MYCT1: variants seen among roughly 807,000 people sequenced by gnomAD.
MYCT1 encodes the protein myc target protein 1.
MYCT1 carries 12 observed loss-of-function variants against 15.0 expected under a neutral mutation model. That is an observed-to-expected ratio of 0.80 (90% CI 0.51 to 1.29). The LOEUF (loss-of-function observed/expected upper bound fraction) is 1.29. Ranked by LOEUF, MYCT1 falls within the 50% of genes most tolerant of loss-of-function variation. The pLI, the probability that MYCT1 is intolerant of heterozygous loss-of-function variation, is 0.00. For missense variants in MYCT1, 287 were observed against 279.1 expected, an observed-to-expected ratio of 1.03 and a Z score of -0.20; for synonymous variants, 104 against 102.7, an observed-to-expected ratio of 1.01 and a Z score of -0.07.
chr6:152,704,541 T>C (rs2099721929), intron 1 of MYCT1, among the ~76,000 whole-genome samples: 1 of 152,214 alleles, frequency 6.6e-6, no homozygotes, highest in African/African-American at 2.4e-5. Context: ...CAATGTGTAA[T>C]GATCAAATCA....
downstream of MYCT1, among the ~76,000 whole-genome samples, chr6:152,728,164 G>GAGAAAA (rs796357081): frequency 7.0e-6 from 1 of 143,518 alleles, no homozygotes; most frequent in African/African-American, 2.7e-5. Flanking sequence ...CCTCTGTCTG[G>GAGAAAA]AAAAAAAAAA....
downstream of MYCT1, among the ~76,000 whole-genome samples, chr6:152,727,577 A>G (rs2099725884): frequency 6.6e-6 from 1 of 152,232 alleles, no homozygotes; most frequent in Non-Finnish European, 1.5e-5. Context: ...TGAGATCTTC[A>G]TTGTGGTGTA....
At chr6:152,717,575 T>G (rs915437625) in intron 1 of MYCT1, among the ~76,000 whole-genome samples, 2 of 152,122 alleles carry the variant, frequency 1.3e-5, no homozygotes, top group African/African-American at 4.8e-5. Context: ...GGAGTTTTCC[T>G]GCACAAGCTC....
intron 1 of MYCT1, among the ~76,000 whole-genome samples, chr6:152,715,167 C>A (rs1164364406): frequency 6.6e-6 from 1 of 152,050 alleles, no homozygotes; most frequent in African/African-American, 2.4e-5. Context: ...GAATTTGCTC[C>A]TTTGATTTAA....
chr6:152,730,074 G>A, the MYCT1 span, among the ~76,000 whole-genome samples: 257 of 152,328 alleles, frequency 1.7e-3, 2 homozygotes, highest in African/African-American at 5.8e-3. Context: ...ACTTCAAAAT[G>A]CATTTTAAAA....
At chr6:152,737,478 G>A in the MYCT1 span, among the ~76,000 whole-genome samples, 12,229 of 151,952 alleles carry the variant, frequency 0.08, 802 homozygotes, top group African/African-American at 0.17. Flanking sequence ...TTATGTGGTG[G>A]AGCTGGGATT....
chr6:152,720,157 T>C (rs2099724427), intron 1 of MYCT1, among the ~76,000 whole-genome samples: 1 of 151,766 alleles, frequency 6.6e-6, no homozygotes, highest in African/African-American at 2.4e-5. Flanking sequence ...AGCAGGCTCT[T>C]GGCTAGGGCA....
chr6:152,716,282 A>G (rs76022538), intron 1 of MYCT1, among the ~76,000 whole-genome samples: 1 of 152,202 alleles, frequency 6.6e-6, no homozygotes, highest in South Asian at 2.1e-4. Context: ...TATGCCCTAA[A>G]TATTATTCTC....
Position 152,722,305 on chromosome 6 carries a change from G to T in MYCT1, c.*52G>T. 1 of 1,527,078 alleles carries T rather than the reference G, an allele frequency of 6.5e-7. No individual in the cohort carries two copies. The highest frequency in any genetic ancestry group is 8.7e-7 in the Non-Finnish European group (1 of 1,143,648). The allele number at this position is 1,527,078 out of a possible 1,614,324, so 94.6% of individuals were successfully genotyped here. On this transcript the variant is annotated 3_prime_UTR_variant, in exon 2 of 2. Transcript: ENST00000367245. ...TTTCTTGTCTTGTCTTTTATTGAAA[G>T]GAAATCAAAAATAGGCTAAACAGAA... is the stretch of plus-strand genomic sequence containing the variant.
downstream of MYCT1, among the ~76,000 whole-genome samples, chr6:152,727,150 G>A (rs576249239): frequency 2.1e-4 from 31 of 151,024 alleles, no homozygotes; most frequent in African/African-American, 7.3e-4. Context: ...GGCAGAGGTT[G>A]CCGTGAGCCG....
chr6:152,743,564 C>T, the MYCT1 span, among the ~76,000 whole-genome samples: 7 of 152,322 alleles, frequency 4.6e-5, no homozygotes, highest in African/African-American at 7.2e-5. Flanking sequence ...ATTGCTCAAC[C>T]GTCCCGGTAA....
At chr6:152,738,007 C>T in the MYCT1 span, among the ~76,000 whole-genome samples, 1 of 151,814 alleles carries the variant, frequency 6.6e-6, no homozygotes, top group Non-Finnish European at 1.5e-5. Context: ...TTAAGGAAAG[C>T]AAAAAGCCAT....
chr6:152,712,857 G>A (rs1421074881), intron 1 of MYCT1, among the ~76,000 whole-genome samples: 1 of 151,636 alleles, frequency 6.6e-6, no homozygotes, highest in African/African-American at 2.4e-5. Flanking sequence ...GTTAACCTTT[G>A]ATCTTCAGCT....
At chr6:152,724,811 T>C (rs1235718170), downstream of MYCT1, among the ~76,000 whole-genome samples, 1 of 151,964 alleles carries the variant, frequency 6.6e-6, no homozygotes, top group Non-Finnish European at 1.5e-5. Flanking sequence ...CATATAAAAA[T>C]GTATAATGGA....
intron 1 of MYCT1, among the ~76,000 whole-genome samples, chr6:152,699,313 A>C (rs940863385): frequency 2.1e-5 from 3 of 144,774 alleles, no homozygotes; most frequent in African/African-American, 8.6e-5. Context: ...CAGCATAAGA[A>C]AAAAAAGAAT....
chr6:152,714,971 G>C (rs1310477263), intron 1 of MYCT1, among the ~76,000 whole-genome samples: 1 of 151,952 alleles, frequency 6.6e-6, no homozygotes, highest in South Asian at 2.1e-4. Context: ...TTACCATTAA[G>C]CTTAGGGAGT....
At chr6:152,728,555 A>T (rs928399199), downstream of MYCT1, among the ~76,000 whole-genome samples, 2 of 152,164 alleles carry the variant, frequency 1.3e-5, no homozygotes, top group Non-Finnish European at 2.9e-5. Flanking sequence ...AGAAAAAAAA[A>T]ACCTTTAACA....
At chr6:152,743,245 T>C in the MYCT1 span, among the ~76,000 whole-genome samples, 7 of 152,130 alleles carry the variant, frequency 4.6e-5, no homozygotes, top group African/African-American at 1.7e-4. Context: ...TTTGTATTTA[T>C]AGTAGAGATA....
intron 1 of MYCT1, chr6:152,705,858 G>A (rs2099722168): frequency 2.7e-6 from 2 of 733,820 alleles, no homozygotes; most frequent in Admixed American, 2.1e-5. Context: ...GAATGCAAGT[G>A]TTGAAAGATC....
Sources: gnomAD v4.1 joint callset for allele counts (sites outside exome capture counted in the v4.1 genomes callset) on GRCh38, gnomAD v4.1.1 for gene constraint, MANE v1.5 for transcripts, NCBI Gene and HGNC (gene_info 2026-07-23, HGNC 2026-07-21) for gene names.